CDH13: variants seen among roughly 807,000 people sequenced by gnomAD.
CDH13 encodes cadherin 13, also known as cadherin-13.
A neutral mutation model predicts 63.8 loss-of-function variants in CDH13; 24 were observed. The ratio of observed to expected loss-of-function variants is 0.38; its 90% CI spans 0.27 to 0.53. CDH13 has a LOEUF of 0.53. Among genes scored for constraint, CDH13 ranks in the 20% least tolerant of loss-of-function variants. The pLI is 0.85. For missense variants in CDH13, 1,049 were observed against 903.1 expected, an observed-to-expected ratio of 1.16 and a Z score of -2.07; for synonymous variants, 503 against 355.3, an observed-to-expected ratio of 1.42 and a Z score of -4.67.
chr16:82,683,578 A>G (rs1415144568), intron 1 of CDH13, among the ~76,000 whole-genome samples: 1 of 152,234 alleles, frequency 6.6e-6, no homozygotes, highest in African/African-American at 2.4e-5. Context: ...GACCAGAAGG[A>G]CCAGCAGCTC....
intron 3 of CDH13, among the ~76,000 whole-genome samples, chr16:83,104,996 C>T (rs1005660953): frequency 6.6e-6 from 1 of 152,124 alleles, no homozygotes; most frequent in African/African-American, 2.4e-5. Flanking sequence ...TTCTCTCTCT[C>T]TTTTGGCATT....
intron 5 of CDH13, among the ~76,000 whole-genome samples, chr16:83,326,715 G>A (rs1042665883): frequency 7.9e-5 from 12 of 152,138 alleles, no homozygotes; most frequent in Non-Finnish European, 1.2e-4. Flanking sequence ...TATGAGCAAA[G>A]GAACAAGTCA....
intron 9 of CDH13, among the ~76,000 whole-genome samples, chr16:83,674,496 A>G (rs1468206108): frequency 3.9e-5 from 6 of 152,228 alleles, no homozygotes; most frequent in Admixed American, 3.9e-4. Flanking sequence ...TCATTGACCA[A>G]TGACATACGT....
At chr16:83,480,133 C>T (rs1364966995) in intron 6 of CDH13, among the ~76,000 whole-genome samples, 1 of 152,044 alleles carries the variant, frequency 6.6e-6, no homozygotes, top group Non-Finnish European at 1.5e-5. Context: ...AAGACCAGCC[C>T]AGGCAACATG....
intron 8 of CDH13, among the ~76,000 whole-genome samples, chr16:83,608,375 A>T (rs922880395): frequency 2.0e-5 from 3 of 152,262 alleles, no homozygotes; most frequent in Admixed American, 2.0e-4. Context: ...AATTCACATC[A>T]GGTTATCAAA....
At chr16:83,308,916 C>G (rs558161452) in intron 5 of CDH13, among the ~76,000 whole-genome samples, 1 of 152,290 alleles carries the variant, frequency 6.6e-6, no homozygotes, top group African/African-American at 2.4e-5. Flanking sequence ...TTCGGGAAGC[C>G]TCCAAAGAAT....
chr16:83,646,712 A>AAAACACACACACACAC (rs1168012793), intron 8 of CDH13, among the ~76,000 whole-genome samples: 2 of 80,490 alleles, frequency 2.5e-5, no homozygotes, highest in African/African-American at 9.0e-5. Context: ...AAAAAAAAAA[A>AAAACACACACACACAC]ACACACACAC....
chr16:83,039,934 A>G (rs1255487739), intron 3 of CDH13, among the ~76,000 whole-genome samples: 3 of 151,920 alleles, frequency 2.0e-5, no homozygotes, highest in African/African-American at 7.3e-5. Context: ...AGCTCTCTGA[A>G]TATCCCCCAG....
chr16:83,369,928 T>A (rs958174503), intron 6 of CDH13, among the ~76,000 whole-genome samples: 2 of 152,236 alleles, frequency 1.3e-5, no homozygotes, highest in East Asian at 3.9e-4. Context: ...TGGCTTCATG[T>A]TGACCTTGTC....
intron 5 of CDH13, among the ~76,000 whole-genome samples, chr16:83,337,880 A>T (rs866682604): frequency 1.8e-4 from 27 of 152,040 alleles, no homozygotes; most frequent in African/African-American, 6.5e-4. Flanking sequence ...AAAAAGTAGC[A>T]ATCAATGTAA....
At chr16:83,212,438 TTTCCTCGCCAAGC>T (rs1248720372) in intron 4 of CDH13, among the ~76,000 whole-genome samples, 3 of 152,166 alleles carry the variant, frequency 2.0e-5, no homozygotes. Flanking sequence ...ACTTTCATGC[TTTCCTCGCCAAGC>T]TTCCTCCAAG....
intron 2 of CDH13, among the ~76,000 whole-genome samples, chr16:82,967,605 C>G (rs771547623): frequency 6.6e-6 from 1 of 152,220 alleles, no homozygotes. Flanking sequence ...CTTGAACTCA[C>G]GCTCCTACTG....
chr16:83,505,352 CTCTTGA>C (rs1040660853), intron 7 of CDH13, among the ~76,000 whole-genome samples: 2 of 152,092 alleles, frequency 1.3e-5, no homozygotes, highest in African/African-American at 2.4e-5. Context: ...AAGTGCTTTG[CTCTTGA>C]TCTTGAAAGG....
intron 7 of CDH13, among the ~76,000 whole-genome samples, chr16:83,580,752 A>T (rs570082478): frequency 1.3e-5 from 2 of 152,138 alleles, no homozygotes; most frequent in African/African-American, 4.8e-5. Flanking sequence ...CCCGCCTCCC[A>T]AAGTGCTGGT....
chr16:82,863,605 G>A (rs993627815), intron 2 of CDH13, among the ~76,000 whole-genome samples: 1 of 152,100 alleles, frequency 6.6e-6, no homozygotes, highest in Non-Finnish European at 1.5e-5. Context: ...TCAACTGATG[G>A]GAAACATGCT....
intron 7 of CDH13, among the ~76,000 whole-genome samples, chr16:83,592,773 AAAAT>A (rs1177820273): frequency 6.6e-6 from 1 of 152,176 alleles, no homozygotes; most frequent in African/African-American, 2.4e-5. Context: ...CACGAATGCA[AAAAT>A]AAATAAATAA....
intron 2 of CDH13, among the ~76,000 whole-genome samples, chr16:82,952,503 A>G (rs574852650): frequency 5.3e-5 from 8 of 152,294 alleles, no homozygotes; most frequent in South Asian, 2.1e-4. Context: ...GATCCCTACA[A>G]TAGGAGAAAC....
intron 5 of CDH13, among the ~76,000 whole-genome samples, chr16:83,236,115 C>T (rs1454403456): frequency 1.3e-5 from 2 of 152,124 alleles, no homozygotes; most frequent in African/African-American, 4.8e-5. Flanking sequence ...TATGTGGACG[C>T]TCTACTTCTC....
intron 2 of CDH13, among the ~76,000 whole-genome samples, chr16:82,932,066 A>G (rs928612494): frequency 6.6e-6 from 1 of 152,154 alleles, no homozygotes; most frequent in East Asian, 1.9e-4. Context: ...AGTGGGAAGA[A>G]TGTGGCTTCT....
Sources: allele counts gnomAD v4.1 joint callset (sites outside exome capture counted in the v4.1 genomes callset), GRCh38; gene constraint gnomAD v4.1.1; transcripts MANE v1.5; gene names NCBI Gene and HGNC (gene_info 2026-07-23, HGNC 2026-07-21).